Variants in SORL1 observed in about 807,000 individuals in gnomAD.
SORL1 encodes sortilin-related receptor.
A neutral mutation model predicts 273.7 loss-of-function variants in SORL1; 127 were observed. That is an observed-to-expected ratio of 0.46 (90% CI 0.40 to 0.54). The LOEUF is 0.54. Ranked by LOEUF, SORL1 falls within the 20% of genes least tolerant of loss-of-function variation. The pLI is 0.00. For missense variants in SORL1, 2,494 were observed against 2,846.1 expected, an observed-to-expected ratio of 0.88 and a Z score of 2.81; for synonymous variants, 1,031 against 1,067.4, an observed-to-expected ratio of 0.97 and a Z score of 0.66.
At chr11:121,601,297 T>A in intron 32 of SORL1, among the ~76,000 whole-genome samples, 3 of 138,884 alleles carry the variant, frequency 2.2e-5, no homozygotes, top group South Asian at 2.5e-4. Flanking sequence ...AGTCTATCAT[T>A]GTTGGACATT....
chr11:121,508,609 C>T (rs1861824184), intron 6 of SORL1, among the ~76,000 whole-genome samples: 1 of 152,208 alleles, frequency 6.6e-6, no homozygotes, highest in African/African-American at 2.4e-5. Flanking sequence ...CTATTCTGTC[C>T]TCTCCAGTGG....
chr11:121,454,711 C>T (rs1860871909), intron 1 of SORL1, among the ~76,000 whole-genome samples: 1 of 152,222 alleles, frequency 6.6e-6, no homozygotes, highest in African/African-American at 2.4e-5. Flanking sequence ...AAAGGAAGAA[C>T]TTCCCTGTAC....
At chr11:121,558,055 A>C (rs961784649) in intron 19 of SORL1, among the ~76,000 whole-genome samples, 8 of 152,154 alleles carry the variant, frequency 5.3e-5, no homozygotes, top group African/African-American at 1.9e-4. Context: ...TTAACCCTTT[A>C]CCCTCACACT....
At chr11:121,528,294 C>G (rs1862153257) in intron 11 of SORL1, among the ~76,000 whole-genome samples, 1 of 151,996 alleles carries the variant, frequency 6.6e-6, no homozygotes, top group East Asian at 1.9e-4. Context: ...CATAGCAAAA[C>G]TTTGTCTCTA....
At chr11:121,629,295 A>G in intron 47 of SORL1, 1 of 526,902 alleles carries the variant, frequency 1.9e-6, no homozygotes, top group South Asian at 2.9e-5. Flanking sequence ...GTGAGGATCC[A>G]TCGATGGGTA....
chr11:121,470,093 C>G lies in SORL1; in HGVS notation c.372C>G (p.Ser124Arg). 5.0e-6 allele frequency: 8 copies of G among 1,613,958 alleles called. No homozygotes were observed. Among genetic ancestry groups the G allele is most frequent in the Non-Finnish European group, 6.8e-6 (8 of 1,179,862 alleles). ...SNVIVALARD[S>R]LALARPKSSD... The stretch of plus-strand genomic sequence containing the variant: ...TGATCGTGGCCTTGGCCCGAGATAG[C>G]CTGGCATTGGCGAGGCCCAAGAGCA... The change falls in exon 2 of 48, where the codon AGC becomes AGG. Residue 124 changes from serine (S) to arginine (R), a missense_variant. By Grantham distance (110) the Ser-to-Arg change is moderately radical. Transcript: ENST00000260197.
chr11:121,513,994 C>T (rs979008422), intron 7 of SORL1, among the ~76,000 whole-genome samples, 158 bp from the exon 8 acceptor site: 3 of 152,218 alleles, frequency 2.0e-5, no homozygotes, highest in African/African-American at 2.4e-5. Flanking sequence ...AAGGGAAAGT[C>T]GCCAAAGCTT....
At chr11:121,454,015 T>C (rs570427688) in intron 1 of SORL1, among the ~76,000 whole-genome samples, 1 of 152,366 alleles carries the variant, frequency 6.6e-6, no homozygotes, top group Admixed American at 6.5e-5. Flanking sequence ...CCCCAGGGCA[T>C]GTAACTAATG....
intron 12 of SORL1, among the ~76,000 whole-genome samples, chr11:121,542,848 G>A (rs1246230315): frequency 6.7e-6 from 1 of 148,998 alleles, no homozygotes; most frequent in Non-Finnish European, 1.5e-5. Context: ...ATATATTGTT[G>A]TGTCCAACCC....
Position 121,486,368 on chromosome 11 carries a change from G to A in SORL1, c.529-1664G>A, listed in dbSNP as rs576790521. Among the ~76,000 whole-genome samples the A allele has an allele frequency of 2.0e-5, 3 of 152,270 alleles. No homozygotes were observed. In the East Asian group the frequency reaches 5.8e-4, roughly 29 times the overall value. On this transcript the variant is annotated intron_variant, in intron 3 of 47. Transcript: ENST00000260197. ...GCCCTCAAGACTGTCACTGGGTGCA[G>A]TGGCTCATGCCTGTAATCCCACCAC...
intron 6 of SORL1, among the ~76,000 whole-genome samples, chr11:121,507,065 C>CA (rs1302039811): frequency 1.3e-5 from 2 of 152,088 alleles, no homozygotes; most frequent in African/African-American, 4.8e-5. Flanking sequence ...CAGTAGTGTA[C>CA]AAAATCTTTG....
At position 121,474,216 on chromosome 11, in the gene SORL1, C is replaced by G. The variant is rs145588484; in HGVS notation, c.403-3902C>G. On this transcript the variant is annotated intron_variant, in intron 2 of 47. Coordinates refer to ENST00000260197, the MANE Select transcript of SORL1 (RefSeq NM_003105.6). ...TTGCTACCCAAAGTGTGGTTGTGGTCTGTGGATCAGCCCTTGGGGATTTTC... is the reference window on the plus strand; with the variant it reads ...TTGCTACCCAAAGTGTGGTTGTGGTGTGTGGATCAGCCCTTGGGGATTTTC... Among the ~76,000 whole-genome samples, 711 of 152,218 alleles carry G rather than the reference C, an allele frequency of 4.7e-3. 5 individuals are homozygous for G. Among genetic ancestry groups the G allele is most frequent in the African/African-American group, 0.016 (685 of 41,518 alleles).
intron 5 of SORL1, among the ~76,000 whole-genome samples, chr11:121,495,083 C>CT (rs1424741158): frequency 6.6e-6 from 1 of 152,070 alleles, no homozygotes; most frequent in African/African-American, 2.4e-5. Flanking sequence ...AAAAGAAGCT[C>CT]TTTTTTCTTT....
At chr11:121,615,842 CCTGTT>C (rs998256049) in intron 41 of SORL1, among the ~76,000 whole-genome samples, 2 of 152,130 alleles carry the variant, frequency 1.3e-5, no homozygotes, top group African/African-American at 4.8e-5. Context: ...CCGATAAACC[CCTGTT>C]CCCCCTTATT....
In SORL1 at chr11:121,543,710, T is replaced by C; in HGVS notation, c.1848T>C (p.Asn616=). ...ACAGCTGGCTGATCCTCCAGGTCAA[T>C]GCCACGGATGCCTTGGGTAAGCTGC... ...NVHSWLILQV[N]ATDALGVPCT... is the part of the protein sequence containing the mutation. Residue 616 remains asparagine (N), a synonymous_variant, in exon 13 of 48, where the codon AAT becomes AAC. Transcript: ENST00000260197. 6.2e-7 allele frequency: 1 copy of C among 1,612,946 alleles called. No individual in the cohort carries two copies. Among genetic ancestry groups the C allele is most frequent in the African/African-American group, 1.3e-5 (1 of 75,062 alleles).
intron 8 of SORL1, among the ~76,000 whole-genome samples, chr11:121,518,198 G>T (rs1379597061): frequency 1.3e-5 from 2 of 152,254 alleles, no homozygotes. Flanking sequence ...TCTGCACTGA[G>T]TGGGGCTATA....
At chr11:121,568,805 G>A (rs1862791540) in intron 22 of SORL1, among the ~76,000 whole-genome samples, 2 of 152,166 alleles carry the variant, frequency 1.3e-5, no homozygotes, top group Non-Finnish European at 1.5e-5. Context: ...TTAAAGCATT[G>A]TATCTGCTTC....
At chr11:121,618,667 C>A in intron 41 of SORL1, 107 bp from the exon 42 acceptor site, 2 of 1,350,984 alleles carry the variant, frequency 1.5e-6, no homozygotes, top group Non-Finnish European at 2.1e-6. Flanking sequence ...GAAGACTTCT[C>A]TGTGAGCTCT....
In SORL1 at chr11:121,621,058, T is replaced by G. The variant is rs776308211; in HGVS notation, c.5890-6T>G. On this transcript the variant is annotated splice_polypyrimidine_tract_variant and splice_region_variant and intron_variant, in intron 43 of 47. Transcript: ENST00000260197. ...TTATCATTCACTTGTTCTTTTTTGG[T>G]CCTAGTTGTATGCAGTTGCAGTCAA... 2 of 1,599,898 alleles carry G rather than the reference T, an allele frequency of 1.3e-6. No homozygotes were observed. The highest frequency in any genetic ancestry group is 2.2e-5 in the South Asian group (2 of 89,724).
Sources: gnomAD v4.1 joint callset for allele counts (sites outside exome capture counted in the v4.1 genomes callset) on GRCh38, gnomAD v4.1.1 for gene constraint, MANE v1.5 for transcripts, NCBI Gene and HGNC (gene_info 2026-07-23, HGNC 2026-07-21) for gene names.